Variants in SYN2 observed in about 807,000 individuals in gnomAD.
The protein encoded by SYN2 is synapsin-2.
A neutral mutation model predicts 50.9 loss-of-function variants in SYN2; 19 were observed. The ratio of observed to expected loss-of-function variants is 0.37; its 90% CI spans 0.26 to 0.55. The LOEUF is 0.55. Among genes scored for constraint, SYN2 ranks in the 20% least tolerant of loss-of-function variants. The pLI, the probability that SYN2 is intolerant of heterozygous loss-of-function variation, is 0.81. For synonymous variants in SYN2, 255 were observed against 224.9 expected, an observed-to-expected ratio of 1.13 and a Z score of -1.20; for missense variants, 587 against 576.4, an observed-to-expected ratio of 1.02 and a Z score of -0.19.
At chr3:12,076,420 G>A (rs1018459663) in intron 1 of SYN2, among the ~76,000 whole-genome samples, 1 of 151,784 alleles carries the variant, frequency 6.6e-6, no homozygotes, top group African/African-American at 2.4e-5. Context: ...ACAAATTTTT[G>A]ATTACGGTAA....
intron 1 of SYN2, among the ~76,000 whole-genome samples, chr3:12,138,787 T>C (rs1266878194): frequency 2.0e-5 from 3 of 152,096 alleles, no homozygotes; most frequent in African/African-American, 7.2e-5. Flanking sequence ...GGAGGAAGCA[T>C]CAGAAAAGCA....
At chr3:12,105,696 C>T (rs1696171196) in intron 1 of SYN2, among the ~76,000 whole-genome samples, 1 of 151,984 alleles carries the variant, frequency 6.6e-6, no homozygotes, top group Admixed American at 6.6e-5. Flanking sequence ...CTTAAGATTT[C>T]AGGAGAACAC....
At chr3:12,164,353 G>A (rs1697729170) in intron 7 of SYN2, among the ~76,000 whole-genome samples, 1 of 152,178 alleles carries the variant, frequency 6.6e-6, no homozygotes, top group Admixed American at 6.5e-5. Flanking sequence ...GATGAAGGCT[G>A]GGTGACCAGA....
intron 1 of SYN2, among the ~76,000 whole-genome samples, chr3:12,060,857 G>A (rs1285972066): frequency 1.3e-5 from 2 of 152,080 alleles, no homozygotes; most frequent in Non-Finnish European, 2.9e-5. Flanking sequence ...CATGCTAAAG[G>A]GAATAAATAA....
intron 11 of SYN2, chr3:12,183,925 T>G (rs554043239): frequency 4.0e-6 from 4 of 993,274 alleles, no homozygotes; most frequent in Admixed American, 6.1e-5. Context: ...TGAACTGTGC[T>G]TTTCGCTTTC....
At chr3:12,068,207 A>G (rs1371126422) in intron 1 of SYN2, among the ~76,000 whole-genome samples, 1 of 125,058 alleles carries the variant, frequency 8.0e-6, no homozygotes, top group African/African-American at 3.1e-5. Flanking sequence ...TCAACCTTTC[A>G]TGTCTGAAAA....
Position 12,151,377 on chromosome 3 carries a change from T to G in SYN2, c.774+51T>G. 3 of 1,448,490 alleles carry G rather than the reference T, an allele frequency of 2.1e-6. 1 individual carries two copies. The South Asian group carries it at 3.6e-5, about 17-fold the overall frequency. The allele number at this position is 1,448,490 out of a possible 1,614,324, so 89.7% of individuals were successfully genotyped here. On this transcript the variant is annotated intron_variant, in intron 5 of 12. Transcript: ENST00000621198. ...TCTTTCTGCTGTTTTCATTTTGCACTTAGCCACCTGGTTATTGTGGGGCTC... is the reference window on the plus strand; with the variant it reads ...TCTTTCTGCTGTTTTCATTTTGCACGTAGCCACCTGGTTATTGTGGGGCTC...
At chr3:12,167,160 T>G (rs1697820091) in intron 7 of SYN2, 74 bp from the exon 8 acceptor site, 1 of 1,484,610 alleles carries the variant, frequency 6.7e-7, no homozygotes, top group South Asian at 1.2e-5. Flanking sequence ...GAACTAAAAT[T>G]CTGGAAAGTT....
intron 1 of SYN2, among the ~76,000 whole-genome samples, chr3:12,047,418 CT>C (rs1694763348): frequency 6.6e-6 from 1 of 152,074 alleles, no homozygotes; most frequent in Admixed American, 6.6e-5. Context: ...GGAAGGGGTA[CT>C]ATTTGAAGGA....
At chr3:12,066,119 A>G (rs1249385875) in intron 1 of SYN2, among the ~76,000 whole-genome samples, 1 of 152,194 alleles carries the variant, frequency 6.6e-6, no homozygotes, top group East Asian at 1.9e-4. Flanking sequence ...GATGAATTGT[A>G]TGGTATGTGG....
chr3:12,028,099 C>T (rs1375241819), intron 1 of SYN2, among the ~76,000 whole-genome samples: 25 of 120,184 alleles, frequency 2.1e-4, no homozygotes, highest in Non-Finnish European at 2.9e-4. Flanking sequence ...TGTTCAATTC[C>T]CACCTATGAG....
intron 1 of SYN2, among the ~76,000 whole-genome samples, chr3:12,054,233 C>A (rs1026318353): frequency 3.3e-5 from 5 of 152,144 alleles, no homozygotes; most frequent in African/African-American, 4.8e-5. Context: ...GTTGATTCCC[C>A]CTTATGTTCT....
intron 1 of SYN2, chr3:12,070,668 T>C: frequency 8.1e-7 from 1 of 1,228,720 alleles, no homozygotes; most frequent in Non-Finnish European, 1.1e-6. Context: ...CCTCTATGCC[T>C]CTGGATGCAC....
chr3:12,118,083 G>A (rs949936639), intron 1 of SYN2, among the ~76,000 whole-genome samples: 2 of 152,210 alleles, frequency 1.3e-5, no homozygotes, highest in Non-Finnish European at 2.9e-5. Flanking sequence ...AGAAACAGCA[G>A]TGACCCTTTA....
At chr3:12,063,391 T>C (rs770769809) in intron 1 of SYN2, among the ~76,000 whole-genome samples, 2 of 151,944 alleles carry the variant, frequency 1.3e-5, no homozygotes, top group African/African-American at 2.4e-5. Flanking sequence ...GGCAAAAGAA[T>C]CTAAACGTAA....
chr3:12,139,588 A>C (rs1402040114), intron 1 of SYN2, among the ~76,000 whole-genome samples: 2 of 152,184 alleles, frequency 1.3e-5, no homozygotes, highest in Non-Finnish European at 2.9e-5. Context: ...TCTGTATCTT[A>C]TACGTTGTTA....
At chr3:12,121,868 A>G (rs553602797) in intron 1 of SYN2, among the ~76,000 whole-genome samples, 14 of 152,318 alleles carry the variant, frequency 9.2e-5, no homozygotes, top group Admixed American at 6.5e-4. Context: ...AACTTGGGCA[A>G]GAGCTGATAC....
At chr3:12,116,427 C>T (rs1696434992) in intron 1 of SYN2, among the ~76,000 whole-genome samples, 1 of 152,156 alleles carries the variant, frequency 6.6e-6, no homozygotes, top group Middle Eastern at 3.2e-3. Context: ...TAACCATGGT[C>T]TCACCTTGGT....
chr3:12,150,255 C>T (rs73813136), intron 4 of SYN2, among the ~76,000 whole-genome samples: 5,146 of 152,278 alleles, frequency 0.034, 267 homozygotes, highest in African/African-American at 0.11. Flanking sequence ...AGATGTGTTT[C>T]CTCTGCTGCT....
Sources: allele counts gnomAD v4.1 joint callset (sites outside exome capture counted in the v4.1 genomes callset), GRCh38; gene constraint gnomAD v4.1.1; transcripts MANE v1.5; gene names NCBI Gene and HGNC (gene_info 2026-07-23, HGNC 2026-07-21).